The following KLHDC3 variants were observed in gnomAD, a reference collection of about 807,000 sequenced individuals.
The protein encoded by KLHDC3 is kelch domain containing 3.
Under a neutral mutation model 44.1 loss-of-function variants are expected in KLHDC3, and 5 were observed. The ratio of observed to expected loss-of-function variants is 0.11; its 90% CI spans 0.06 to 0.24. The LOEUF (loss-of-function observed/expected upper bound fraction) is 0.24, where lower values mean the gene tolerates loss of function less well. Among genes scored for constraint, KLHDC3 ranks in the 10% least tolerant of loss-of-function variants. KLHDC3 has a pLI of 1.00. For synonymous variants in KLHDC3, 170 were observed against 189.0 expected, an observed-to-expected ratio of 0.90 and a Z score of 0.82; for missense variants, 247 against 514.3, an observed-to-expected ratio of 0.48 and a Z score of 5.03.
Position 43,017,672 on chromosome 6 carries a change from A to G in KLHDC3, c.308A>G (p.Asn103Ser), listed in dbSNP as rs1762609904. The G allele has an allele frequency of 5.0e-6, 8 of 1,613,074 alleles. No individual in the cohort carries two copies. Among genetic ancestry groups the G allele is most frequent in the East Asian group, 2.2e-5 (1 of 44,898 alleles). Residue 103 changes from asparagine (N) to serine (S), a missense_variant, in exon 3 of 11, where the codon AAT becomes AGT. Asn to Ser is a conservative substitution (Grantham distance 46). Coordinates refer to ENST00000326974, the MANE Select transcript of KLHDC3 (RefSeq NM_057161.4). This position sits in a 1 kb window ranked among gnomAD's most constrained non-coding sequence, Gnocchi z 6.0. ...CGGAATGACACCGAAGGGGCCTGCA[A>G]TGTGCTCTATGCCTTTGACGTCAGT... The part of the protein sequence containing the change: ...GGRNDTEGAC[N>S]VLYAFDVNTH...
At chr6:43,016,584 A>C (rs945294854) in intron 1 of KLHDC3, 7 of 152,646 alleles carry the variant, frequency 4.6e-5, no homozygotes, top group Non-Finnish European at 1.0e-4. Flanking sequence ...GTCCTGGATC[A>C]GTCCCGCCCT....
At position 43,017,512 on chromosome 6, in the gene KLHDC3, C is replaced by A; in HGVS notation, c.155-7C>A. 6.3e-7 allele frequency: 1 copy of A among 1,586,392 alleles called. No homozygotes were observed. Among genetic ancestry groups the A allele is most frequent in the Non-Finnish European group, 8.6e-7 (1 of 1,164,026 alleles). On this transcript the variant is annotated splice_polypyrimidine_tract_variant and splice_region_variant and intron_variant, in intron 2 of 10. Transcript: ENST00000326974. The surrounding 1 kb of genome is among the most constrained non-coding windows in gnomAD (Gnocchi z 6.0). ...GTTCCCAGGGCTGAGCAGAGCTGTG[C>A]CCACAGTGTCCTTGCGTTGGACAAA...
intron 10 of KLHDC3, 23 bp downstream of exon 10, chr6:43,019,389 AG>A (rs1297237304): frequency 1.3e-6 from 2 of 1,556,034 alleles, no homozygotes; most frequent in Non-Finnish European, 1.8e-6. Context: ...GTTGGAAGGG[AG>A]GGATTGAGTG....
In KLHDC3 at chr6:43,014,268, A is replaced by G; in HGVS notation, c.-140A>G. On this transcript the variant is annotated 5_prime_UTR_variant, in exon 1 of 11. Coordinates refer to ENST00000326974, the MANE Select transcript of KLHDC3 (RefSeq NM_057161.4). Reference sequence around the variant, plus strand: ...GGCTGTGTTTATCTCGTTGGGGACTAAGGCGTCGGTTGGCGCGCAACGGGT... The same window carrying G: ...GGCTGTGTTTATCTCGTTGGGGACTGAGGCGTCGGTTGGCGCGCAACGGGT... The G allele has an allele frequency of 2.3e-6, 2 of 886,010 alleles. No individual in the cohort carries two copies. Among genetic ancestry groups the G allele is most frequent in the Non-Finnish European group, 3.3e-6 (2 of 600,856 alleles). The allele number at this position is 886,010 out of a possible 1,614,324, so 54.9% of individuals were successfully genotyped here.
At position 43,014,361 on chromosome 6, in the gene KLHDC3, G is replaced by A. The variant is rs1369164228; in HGVS notation, c.-60+13G>A. ...CTCGGCCTGGCAGGTAGCCTGGGAT[G>A]GGTAGAAGGGCAAGGGAGAATTAGG... On this transcript the variant is annotated intron_variant, in intron 1 of 10. Coordinates refer to ENST00000326974, the MANE Select transcript of KLHDC3 (RefSeq NM_057161.4). 8.1e-6 allele frequency: 5 copies of A among 620,586 alleles called. No homozygotes were observed. Among genetic ancestry groups the A allele is most frequent in the South Asian group, 7.0e-5 (4 of 57,138 alleles). 38.4% of individuals were successfully genotyped at this position (620,586 alleles called of 1,614,324 possible).
intron 1 of KLHDC3, among the ~76,000 whole-genome samples, chr6:43,015,403 C>T (rs1444109793): frequency 1.3e-5 from 2 of 152,186 alleles, no homozygotes; most frequent in Non-Finnish European, 2.9e-5. Context: ...GCCCTTTCCT[C>T]TGCCAGGGCT....
rs751665630 is a variant in KLHDC3, at chr6:43,020,746, GC to G, written c.*15del. On this transcript the variant is annotated 3_prime_UTR_variant, in exon 11 of 11. Coordinates refer to ENST00000326974, the MANE Select transcript of KLHDC3 (RefSeq NM_057161.4). ...CTCCCATGGGTAGGAGGAAGTTTCT[GC>G]CACCTCCCCTCCTGAGCCTGCTGTC... 6.2e-6 allele frequency: 10 copies of G among 1,606,878 alleles called. No individual in the cohort carries two copies. Among genetic ancestry groups the G allele is most frequent in the Non-Finnish European group, 8.5e-6 (10 of 1,173,630 alleles).
At chr6:43,020,484 T>C (rs1314721657) in intron 10 of KLHDC3, among the ~76,000 whole-genome samples, 183 bp from the exon 11 acceptor site, 1 of 151,940 alleles carries the variant, frequency 6.6e-6, no homozygotes, top group Non-Finnish European at 1.5e-5. Context: ...TGGGTGGTGT[T>C]GGATTTGGTG....
rs140152880 is a variant in KLHDC3, at chr6:43,021,196, G to A, written c.*463G>A. On this transcript the variant is annotated 3_prime_UTR_variant, in exon 11 of 11. Coordinates refer to ENST00000326974, the MANE Select transcript of KLHDC3 (RefSeq NM_057161.4). ...ACCTCCTTCTCCCCGTCTTGGGGAG[G>A]TGGGGACCAGCAGATAAATCCCACC... 7.9e-5 allele frequency: 34 copies of A among 430,226 alleles called. No homozygotes were observed. Among genetic ancestry groups the A allele is most frequent in the Admixed American group, 4.1e-4 (16 of 39,004 alleles). 26.7% of individuals were successfully genotyped at this position (430,226 alleles called of 1,614,324 possible).
Position 43,017,093 on chromosome 6 carries a change from A to T in KLHDC3, c.-59-41A>T. 7.1e-7 allele frequency: 1 copy of T among 1,400,570 alleles called. No individual in the cohort carries two copies. Among genetic ancestry groups the T allele is most frequent in the Non-Finnish European group, 9.8e-7 (1 of 1,022,046 alleles). 86.8% of individuals were successfully genotyped at this position (1,400,570 alleles called of 1,614,324 possible). ...GGCAGAGTCACAGTGAGCTGGGCAG[A>T]AGCCTCGCCTGAGGATCCCGTGGCC... On this transcript the variant is annotated intron_variant, in intron 1 of 10. Coordinates refer to ENST00000326974, the MANE Select transcript of KLHDC3 (RefSeq NM_057161.4). This position sits in a 1 kb window ranked among gnomAD's most constrained non-coding sequence, Gnocchi z 6.0.
intron 10 of KLHDC3, among the ~76,000 whole-genome samples, 181 bp downstream of exon 10, chr6:43,019,547 G>A (rs1422692174): frequency 6.6e-6 from 1 of 152,074 alleles, no homozygotes; most frequent in Non-Finnish European, 1.5e-5. Context: ...AAAACTGTCA[G>A]CAGAATAAAT....
intron 10 of KLHDC3, 31 bp from the exon 11 acceptor site, chr6:43,020,635 CT>C: frequency 6.3e-7 from 1 of 1,587,040 alleles, no homozygotes. Context: ...AGGGCCCCCT[CT>C]TCTTTCTGTC....
chr6:43,018,477 CTT>C lies in KLHDC3; in HGVS notation c.656_657del (p.Phe219Ter). On this transcript the variant is annotated frameshift_variant, in exon 6 of 11. Coordinates refer to ENST00000326974, the MANE Select transcript of KLHDC3 (RefSeq NM_057161.4). LOFTEE classifies it high-confidence loss of function. The surrounding 1 kb of genome is among the most constrained non-coding windows in gnomAD (Gnocchi z 6.0). ...AGATTTACTGCAACCGCATTCGAGT[CTT>C]TGACACCAGAACTGAGGCTTGGCTG... is the stretch of plus-strand genomic sequence containing the variant. The part of the protein sequence containing the change: ...NEIYCNRIRV[F>X]DTRTEAWLDC... 6.2e-7 allele frequency: 1 copy of C among 1,614,204 alleles called. No homozygotes were observed. The highest frequency in any genetic ancestry group is 8.5e-7 in the Non-Finnish European group (1 of 1,180,042).
rs771768159 is a variant in KLHDC3 at position 43,018,228 on chromosome 6, C to CT, written c.519+20dup. On this transcript the variant is annotated intron_variant, in intron 5 of 10. Transcript: ENST00000326974. The surrounding 1 kb of genome is among the most constrained non-coding windows in gnomAD (Gnocchi z 6.0). ...TTATCTGTACAAAGGTCTGCTCTTT[C>CT]TTTTTTTTCCCAAATCCCCACCCTC... 23 of 1,597,996 alleles carry CT rather than the reference C, an allele frequency of 1.4e-5. No individual in the cohort carries two copies. The highest frequency in any genetic ancestry group is 1.5e-5 in the Non-Finnish European group (17 of 1,165,856).
At chr6:43,014,450 G>A in intron 1 of KLHDC3, 102 bp downstream of exon 1, 1 of 548,316 alleles carries the variant, frequency 1.8e-6, no homozygotes, top group Non-Finnish European at 3.5e-6. Context: ...GATGAGGTGG[G>A]GGTGGGGAGG....
chr6:43,017,499 G>A lies in KLHDC3; in HGVS notation c.155-20G>A. 1 of 1,578,688 alleles carries A rather than the reference G, an allele frequency of 6.3e-7. No individual in the cohort carries two copies. The highest frequency in any genetic ancestry group is 1.3e-5 in the African/African-American group (1 of 74,478). ...AGCCTGGAGGGAGGTTCCCAGGGCT[G>A]AGCAGAGCTGTGCCCACAGTGTCCT... On this transcript the variant is annotated intron_variant, in intron 2 of 10. Transcript: ENST00000326974. This position sits in a 1 kb window ranked among gnomAD's most constrained non-coding sequence, Gnocchi z 6.0.
At chr6:43,015,912 C>T (rs1366857891) in intron 1 of KLHDC3, among the ~76,000 whole-genome samples, 1 of 150,836 alleles carries the variant, frequency 6.6e-6, no homozygotes, top group Non-Finnish European at 1.5e-5. Flanking sequence ...TCTTGTCCTG[C>T]CCAAGGGCAT....
chr6:43,014,570 G>A (rs1404892489), intron 1 of KLHDC3: 2 of 460,422 alleles, frequency 4.3e-6, no homozygotes, highest in South Asian at 3.1e-5. Context: ...AGCAATGAAG[G>A]AAATGGGAAG....
chr6:43,017,792 A>G lies in KLHDC3; in HGVS notation c.332-61A>G. ...GGGGTCTTGGGGAGTAGAGTACCCC[A>G]GAGCTGAGGAGGGACTGTCATAGAG... is the stretch of plus-strand genomic sequence containing the variant. On this transcript the variant is annotated intron_variant, in intron 3 of 10. Transcript: ENST00000326974. The surrounding 1 kb of genome is among the most constrained non-coding windows in gnomAD (Gnocchi z 6.0). The G allele has an allele frequency of 6.3e-7, 1 of 1,585,510 alleles. No homozygotes were observed. The highest frequency in any genetic ancestry group is 8.6e-7 in the Non-Finnish European group (1 of 1,156,242).
Sources: gnomAD v4.1 joint callset for allele counts (sites outside exome capture counted in the v4.1 genomes callset) on GRCh38, gnomAD v4.1.1 for gene constraint, Gnocchi (gnomAD v3.1) non-coding constraint, MANE v1.5 for transcripts, NCBI Gene and HGNC (gene_info 2026-07-23, HGNC 2026-07-21) for gene names.